DMD: variants seen among roughly 807,000 people sequenced by gnomAD.
The protein encoded by DMD is dystrophin.
Under a neutral mutation model 330.1 loss-of-function variants are expected in DMD, and 63 were observed. That is an observed-to-expected ratio of 0.19 (90% CI 0.16 to 0.24). DMD has a LOEUF of 0.24. Among genes scored for constraint, DMD ranks in the 10% least tolerant of loss-of-function variants. The probability of loss-of-function intolerance (pLI) is 1.00; values close to 1 mark genes in which losing one functional copy is unlikely to be tolerated. For missense variants in DMD, 3,344 were observed against 2,684.1 expected (o/e 1.25, Z -5.43); for synonymous variants, 1,223 against 959.8 (o/e 1.27, Z -5.07).
chrX:31,384,397 T>A (rs1368045980), intron 60 of DMD, among the ~76,000 whole-genome samples: 5 of 111,703 alleles, frequency 4.5e-5, no homozygotes, highest in Non-Finnish European at 9.4e-5. Flanking sequence ...TGCTTTTTGG[T>A]TGTGATTTTG....
At chrX:32,846,405 A>G (rs1477303081) in intron 3 of DMD, among the ~76,000 whole-genome samples, 1 of 110,878 alleles carries the variant, frequency 9.0e-6, no homozygotes. Flanking sequence ...TAACTCCTAT[A>G]CTTTCCAGCA....
intron 9 of DMD, among the ~76,000 whole-genome samples, chrX:32,653,107 T>C (rs2060287312): frequency 1.8e-5 from 2 of 111,972 alleles, no homozygotes; most frequent in Admixed American, 9.5e-5. Flanking sequence ...ATTCTGTAGG[T>C]TGCCTGTTCA....
Position 33,152,781 on chromosome X carries a change from C to T in DMD, c.31+58501G>A, listed in dbSNP as rs190063844. Among the ~76,000 whole-genome samples, 16 of 111,448 alleles carry T rather than the reference C, an allele frequency of 1.4e-4. 1 individual carries two copies. The East Asian group carries it at 4.5e-3, about 32-fold the overall frequency. On this transcript the variant is annotated intron_variant, in intron 1 of 78. Coordinates refer to ENST00000357033, the MANE Select transcript of DMD (RefSeq NM_004006.3). The stretch of plus-strand genomic sequence containing the variant: ...TCCAAACGAGAAAAGCTGCTTCATT[C>T]CAGGAATCATATTGCTATTATAATT...
At chrX:31,497,398 T>A (rs1171978717) in intron 56 of DMD, among the ~76,000 whole-genome samples, 10 of 111,840 alleles carry the variant, frequency 8.9e-5, no homozygotes, top group Non-Finnish European at 1.7e-4. Flanking sequence ...GCCTTTTCCA[T>A]TGAGTTCTTC....
intron 7 of DMD, among the ~76,000 whole-genome samples, chrX:32,772,634 G>A (rs979377018): frequency 6.3e-5 from 7 of 111,472 alleles, no homozygotes; most frequent in Non-Finnish European, 1.3e-4. Flanking sequence ...AGAGGTAGAC[G>A]TTTTAAAGGG....
chrX:32,601,042 T>A (rs1703280332), intron 12 of DMD, among the ~76,000 whole-genome samples: 2 of 111,013 alleles, frequency 1.8e-5, no homozygotes, highest in African/African-American at 3.3e-5. Context: ...GGGTGGTAGG[T>A]AATTTATTTT....
At chrX:32,648,476 A>G (rs2059920819) in intron 9 of DMD, among the ~76,000 whole-genome samples, 1 of 111,954 alleles carries the variant, frequency 8.9e-6, no homozygotes, top group African/African-American at 3.2e-5. Context: ...GAAAAATAGT[A>G]GTCTGTGTCA....
At chrX:32,071,940 T>A (rs973037719) in intron 44 of DMD, among the ~76,000 whole-genome samples, 1 of 111,830 alleles carries the variant, frequency 8.9e-6, no homozygotes, top group Non-Finnish European at 1.9e-5. Context: ...AACGTGTTAG[T>A]AATTGCTCTG....
chrX:31,613,059 TTCTCTTG>T (rs1405874493), intron 55 of DMD, among the ~76,000 whole-genome samples: 1 of 112,022 alleles, frequency 8.9e-6, no homozygotes, highest in African/African-American at 3.2e-5. Flanking sequence ...CAAAGATAAC[TTCTCTTG>T]ACTGGGATAA....
intron 13 of DMD, among the ~76,000 whole-genome samples, chrX:32,585,209 G>C: frequency 9.0e-6 from 1 of 111,165 alleles, no homozygotes; most frequent in Non-Finnish European, 1.9e-5. Context: ...GGAATGAAGA[G>C]AGGTTGTTTA....
At chrX:32,885,572 A>C (rs1009286760) in intron 2 of DMD, among the ~76,000 whole-genome samples, 1 of 111,811 alleles carries the variant, frequency 8.9e-6, no homozygotes, top group Non-Finnish European at 1.9e-5. Flanking sequence ...AATCTCATGA[A>C]AAATATATTA....
At chrX:33,158,449 GCCTGT>G (rs2048610467) in intron 1 of DMD, among the ~76,000 whole-genome samples, 2 of 110,987 alleles carry the variant, frequency 1.8e-5, no homozygotes, top group African/African-American at 6.6e-5. Context: ...GTCCCCTCAG[GCCTGT>G]CCTAGCTGGA....
At chrX:32,614,835 G>A (rs992104516) in intron 11 of DMD, among the ~76,000 whole-genome samples, 4 of 110,517 alleles carry the variant, frequency 3.6e-5, no homozygotes, top group Non-Finnish European at 3.8e-5. Flanking sequence ...TTCAAGAGAT[G>A]AGGTCTATTT....
chrX:31,285,289 C>G (rs1477016727), intron 62 of DMD, among the ~76,000 whole-genome samples: 1 of 112,188 alleles, frequency 8.9e-6, no homozygotes, highest in Non-Finnish European at 1.9e-5. Context: ...AGAATGGCCC[C>G]AAGCCATCTG....
intron 51 of DMD, among the ~76,000 whole-genome samples, chrX:31,753,523 T>C: frequency 8.9e-6 from 1 of 111,991 alleles, no homozygotes. Context: ...GAGATTTTAA[T>C]TATATCTAGA....
At chrX:32,057,122 T>C (rs770326610) in intron 44 of DMD, among the ~76,000 whole-genome samples, 23 of 110,677 alleles carry the variant, frequency 2.1e-4, no homozygotes, top group Non-Finnish European at 3.6e-4. Context: ...TACCGCAACA[T>C]AATAAAAACC....
intron 48 of DMD, among the ~76,000 whole-genome samples, chrX:31,867,744 G>C (rs2093824589): frequency 9.0e-6 from 1 of 110,724 alleles, no homozygotes; most frequent in Non-Finnish European, 1.9e-5. Context: ...TTAGAACTTT[G>C]TTAGTGCTCT....
At chrX:33,021,058 G>A (rs2093905108) in intron 1 of DMD, among the ~76,000 whole-genome samples, 1 of 111,159 alleles carries the variant, frequency 9.0e-6, no homozygotes, top group Admixed American at 9.6e-5. Context: ...ACAAATACGT[G>A]CATGCTTTAA....
At chrX:33,006,111 G>A (rs1339042881) in intron 2 of DMD, among the ~76,000 whole-genome samples, 2 of 111,575 alleles carry the variant, frequency 1.8e-5, no homozygotes, top group African/African-American at 6.5e-5. Flanking sequence ...TAAATGAATG[G>A]TGAAATATTC....
Sources: gnomAD v4.1 joint callset for allele counts (sites outside exome capture counted in the v4.1 genomes callset) on GRCh38, gnomAD v4.1.1 for gene constraint, MANE v1.5 for transcripts, NCBI Gene and HGNC (gene_info 2026-07-23, HGNC 2026-07-21) for gene names.